The following SLC30A8 variants were observed in gnomAD, a reference collection of about 807,000 sequenced individuals.
SLC30A8 encodes the protein proton-coupled zinc antiporter SLC30A8.
A neutral mutation model predicts 36.9 loss-of-function variants in SLC30A8; 27 were observed. The ratio of observed to expected loss-of-function variants is 0.73; its 90% CI spans 0.54 to 1.01. The LOEUF (loss-of-function observed/expected upper bound fraction) is 1.01. Ranked by LOEUF, SLC30A8 falls within the 50% of genes least tolerant of loss-of-function variation. The pLI is 0.00. For missense variants in SLC30A8, 439 were observed against 452.0 expected (o/e 0.97, Z 0.26); for synonymous variants, 164 against 172.4 (o/e 0.95, Z 0.38).
intron 2 of SLC30A8, among the ~76,000 whole-genome samples, chr8:117,109,736 A>G (rs991112336): frequency 4.6e-5 from 7 of 152,188 alleles, no homozygotes; most frequent in East Asian, 1.9e-4. Flanking sequence ...AAAAATTGCT[A>G]TCTCAACAGA....
chr8:117,071,206 T>A (rs895131792), intron 2 of SLC30A8, among the ~76,000 whole-genome samples: 1 of 150,372 alleles, frequency 6.7e-6, no homozygotes, highest in African/African-American at 2.4e-5. Context: ...TCTTCAACAC[T>A]TATTGTCCAT....
At chr8:117,123,368 G>A (rs1586552831) in intron 2 of SLC30A8, among the ~76,000 whole-genome samples, 2 of 151,922 alleles carry the variant, frequency 1.3e-5, no homozygotes, top group African/African-American at 4.8e-5. Context: ...GAGACTAATG[G>A]ATGACATTTA....
chr8:117,028,959 G>A (rs1008725637), intron 1 of SLC30A8, among the ~76,000 whole-genome samples: 1 of 151,944 alleles, frequency 6.6e-6, no homozygotes, highest in South Asian at 2.1e-4. Flanking sequence ...AGCAAATAAT[G>A]TCAACAATAT....
intron 1 of SLC30A8, among the ~76,000 whole-genome samples, chr8:117,031,038 T>G (rs1056395664): frequency 2.0e-5 from 3 of 152,184 alleles, no homozygotes; most frequent in Non-Finnish European, 4.4e-5. Flanking sequence ...TCTCGGAATT[T>G]TTGTGATAAA....
chr8:116,958,667 C>G (rs998260149), intron 1 of SLC30A8, among the ~76,000 whole-genome samples: 1 of 151,688 alleles, frequency 6.6e-6, no homozygotes, highest in Non-Finnish European at 1.5e-5. Context: ...GTTTCTTGTG[C>G]TTGGGTATTG....
At chr8:117,108,572 A>G (rs1178034224) in intron 2 of SLC30A8, among the ~76,000 whole-genome samples, 1 of 152,216 alleles carries the variant, frequency 6.6e-6, no homozygotes, top group Non-Finnish European at 1.5e-5. Context: ...TCCTAAAAAA[A>G]GATGAGAAAA....
chr8:117,055,569 A>G (rs1817845999), intron 2 of SLC30A8, among the ~76,000 whole-genome samples: 2 of 152,202 alleles, frequency 1.3e-5, no homozygotes, highest in Admixed American at 1.3e-4. Context: ...TTTCTTGTTG[A>G]TATTTCTTCA....
At chr8:117,029,962 G>GT (rs1301481727) in intron 1 of SLC30A8, among the ~76,000 whole-genome samples, 2 of 152,028 alleles carry the variant, frequency 1.3e-5, no homozygotes, top group African/African-American at 4.8e-5. Flanking sequence ...ATGTTTGTTT[G>GT]TTTTTTTAAA....
At chr8:117,089,387 A>G (rs1373355427) in intron 2 of SLC30A8, among the ~76,000 whole-genome samples, 2 of 152,092 alleles carry the variant, frequency 1.3e-5, no homozygotes, top group Non-Finnish European at 2.9e-5. Context: ...CCCAAACAAG[A>G]TTCTTTTTTA....
Position 117,011,826 on chromosome 8 carries a change from C to T in SLC30A8, c.-265-27393C>T, listed in dbSNP as rs74472397. Among the ~76,000 whole-genome samples, 7 of 152,104 alleles carry T rather than the reference C, an allele frequency of 4.6e-5. No individual in the cohort carries two copies. The East Asian group carries it at 7.7e-4, about 17-fold the overall frequency. On this transcript the variant is annotated intron_variant, in intron 1 of 10. Coordinates refer to the SLC30A8 transcript ENST00000427715. Reference sequence around the variant, plus strand: ...CAATAAAACATAAGCAGGACTACTACGTGAGAAATATTTTGGAAGCTTCCA... The same window carrying T: ...CAATAAAACATAAGCAGGACTACTATGTGAGAAATATTTTGGAAGCTTCCA...
intron 1 of SLC30A8, among the ~76,000 whole-genome samples, chr8:116,984,025 T>C (rs905314191): frequency 3.3e-5 from 5 of 152,184 alleles, no homozygotes; most frequent in African/African-American, 9.6e-5. Context: ...CCACCGCTAA[T>C]CTGTTATACA....
chr8:117,026,736 A>G (rs535997813), intron 1 of SLC30A8, among the ~76,000 whole-genome samples: 1 of 152,310 alleles, frequency 6.6e-6, no homozygotes, highest in Admixed American at 6.5e-5. Context: ...AAACACGTAC[A>G]TGTATTGTGC....
intron 1 of SLC30A8, among the ~76,000 whole-genome samples, chr8:116,989,722 G>A (rs2130660265): frequency 6.6e-6 from 1 of 152,316 alleles, no homozygotes; most frequent in Non-Finnish European, 1.5e-5. Context: ...ATAACAATAA[G>A]TGTATGCAGA....
At chr8:117,119,002 T>C (rs1354238363) in intron 2 of SLC30A8, among the ~76,000 whole-genome samples, 1 of 151,862 alleles carries the variant, frequency 6.6e-6, no homozygotes, top group South Asian at 2.1e-4. Context: ...GGGATTCGGA[T>C]TGGGTAGAAG....
At chr8:117,042,983 GTAC>G (rs960407723) in intron 2 of SLC30A8, among the ~76,000 whole-genome samples, 2 of 152,076 alleles carry the variant, frequency 1.3e-5, no homozygotes, top group Non-Finnish European at 2.9e-5. Flanking sequence ...GGCTAATGTA[GTAC>G]TATTCATCTG....
intron 2 of SLC30A8, among the ~76,000 whole-genome samples, chr8:117,075,777 A>C (rs1240115484): frequency 6.6e-6 from 1 of 152,196 alleles, no homozygotes; most frequent in African/African-American, 2.4e-5. Context: ...CCTTCAGTGG[A>C]GTTTGAAACC....
At chr8:117,011,657 AT>A (rs976536582) in intron 1 of SLC30A8, among the ~76,000 whole-genome samples, 5 of 152,174 alleles carry the variant, frequency 3.3e-5, no homozygotes, top group Non-Finnish European at 7.4e-5. Context: ...ATAGCATTCA[AT>A]TTTATTGTGC....
At position 117,135,216 on chromosome 8, in the gene SLC30A8, T is replaced by C. The variant is rs1405098757; in HGVS notation, c.-112T>C. ...TCATTATTTTAATTTCTGGAGCCTT[T>C]TAATTTTTTCTTTAGAAAGTGTATA... On this transcript the variant is annotated 5_prime_UTR_variant, in exon 1 of 8. Coordinates refer to ENST00000456015, the MANE Select transcript of SLC30A8 (RefSeq NM_173851.3). The C allele has an allele frequency of 3.1e-6, 2 of 635,720 alleles. No individual in the cohort carries two copies. Among genetic ancestry groups the C allele is most frequent in the African/African-American group, 3.7e-5 (2 of 53,728 alleles). The allele number at this position is 635,720 out of a possible 1,614,324, so 39.4% of individuals were successfully genotyped here.
intron 4 of SLC30A8, among the ~76,000 whole-genome samples, chr8:117,161,396 C>T (rs1274904838): frequency 1.7e-5 from 2 of 119,692 alleles, no homozygotes; most frequent in Non-Finnish European, 1.6e-5. Context: ...TGGTGCCTGA[C>T]AGTCAGTCAA....
Sources: allele counts gnomAD v4.1 joint callset (sites outside exome capture counted in the v4.1 genomes callset), GRCh38; gene constraint gnomAD v4.1.1; transcripts MANE v1.5; gene names NCBI Gene and HGNC (gene_info 2026-07-23, HGNC 2026-07-21).